Variants in LRMDA observed in about 807,000 individuals in gnomAD.
LRMDA encodes the protein leucine rich melanocyte differentiation associated, also known as leucine-rich melanocyte differentiation-associated protein.
LRMDA carries 18 observed loss-of-function variants against 29.8 expected under a neutral mutation model. The ratio of observed to expected loss-of-function variants is 0.60; its 90% CI spans 0.42 to 0.90. LRMDA has a LOEUF of 0.90. LRMDA is among the 40% of genes least tolerant of loss of function. The pLI is 0.00. For synonymous variants in LRMDA, 125 were observed against 109.4 expected (o/e 1.14, Z -0.89); for missense variants, 273 against 273.9 (o/e 1.00, Z 0.02).
chr10:75,708,349 C>A (rs543191826), intron 2 of LRMDA, among the ~76,000 whole-genome samples: 7 of 152,138 alleles, frequency 4.6e-5, no homozygotes, highest in African/African-American at 1.4e-4. Flanking sequence ...TATTTTGATG[C>A]CTTTTTCATA....
chr10:76,242,887 C>T (rs894546186), intron 5 of LRMDA, among the ~76,000 whole-genome samples: 1 of 152,148 alleles, frequency 6.6e-6, no homozygotes, highest in African/African-American at 2.4e-5. Flanking sequence ...TTACTGTTTT[C>T]CTACTGGTTT....
intron 5 of LRMDA, among the ~76,000 whole-genome samples, chr10:76,164,125 AT>A (rs35217250): frequency 1.3e-5 from 2 of 151,554 alleles, no homozygotes; most frequent in East Asian, 1.9e-4. Context: ...AAAATGTTTG[AT>A]TTTTTTTTCC....
At chr10:76,467,579 A>G (rs1225361851) in intron 6 of LRMDA, among the ~76,000 whole-genome samples, 1 of 152,194 alleles carries the variant, frequency 6.6e-6, no homozygotes, top group Admixed American at 6.5e-5. Context: ...CATTGCTATA[A>G]ATCTATAATG....
chr10:75,768,408 T>A (rs1843196598), intron 2 of LRMDA, among the ~76,000 whole-genome samples: 1 of 152,216 alleles, frequency 6.6e-6, no homozygotes, highest in Admixed American at 6.5e-5. Flanking sequence ...CCCATGTTTA[T>A]GGGTAAGGGA....
At chr10:75,691,655 G>A (rs964063644) in intron 2 of LRMDA, among the ~76,000 whole-genome samples, 2 of 152,116 alleles carry the variant, frequency 1.3e-5, no homozygotes, top group African/African-American at 4.8e-5. Flanking sequence ...TTGGGAAAGA[G>A]GGTCTGCTCT....
chr10:76,206,112 C>T (rs1488199572), intron 5 of LRMDA, among the ~76,000 whole-genome samples: 1 of 152,250 alleles, frequency 6.6e-6, no homozygotes, highest in Non-Finnish European at 1.5e-5. Context: ...TTGATTTTGT[C>T]GATGATGACC....
intron 5 of LRMDA, among the ~76,000 whole-genome samples, chr10:76,131,394 CCA>C (rs1554849601): frequency 6.6e-6 from 1 of 152,070 alleles, no homozygotes; most frequent in Non-Finnish European, 1.5e-5. Context: ...CCTTCATCCC[CCA>C]TCACGTGGGT....
chr10:75,701,752 A>C (rs1842310587), intron 2 of LRMDA, among the ~76,000 whole-genome samples: 1 of 152,174 alleles, frequency 6.6e-6, no homozygotes, highest in Admixed American at 6.5e-5. Flanking sequence ...CTTCTTGTGC[A>C]GTGGTAATGA....
intron 5 of LRMDA, among the ~76,000 whole-genome samples, chr10:76,256,130 TC>T (rs1852589295): frequency 6.6e-6 from 1 of 152,228 alleles, no homozygotes; most frequent in African/African-American, 2.4e-5. Context: ...TGTTGGCTTG[TC>T]TTGGTCCAGA....
chr10:75,521,090 G>C (rs893924228), intron 2 of LRMDA, among the ~76,000 whole-genome samples: 1 of 152,144 alleles, frequency 6.6e-6, no homozygotes, highest in African/African-American at 2.4e-5. Context: ...CGTCCCAGAG[G>C]GGCATCCACC....
At chr10:75,791,399 C>T (rs753950691) in intron 2 of LRMDA, among the ~76,000 whole-genome samples, 9 of 152,066 alleles carry the variant, frequency 5.9e-5, no homozygotes, top group Non-Finnish European at 1.3e-4. Context: ...TGATATACAA[C>T]CAAACAAGGA....
At chr10:75,789,701 T>A (rs1843533340) in intron 2 of LRMDA, among the ~76,000 whole-genome samples, 1 of 152,238 alleles carries the variant, frequency 6.6e-6, no homozygotes, top group Non-Finnish European at 1.5e-5. Context: ...CTCTCCCAAC[T>A]ATATTGAACA....
intron 2 of LRMDA, among the ~76,000 whole-genome samples, chr10:75,981,343 C>T (rs566952436): frequency 6.6e-5 from 10 of 152,142 alleles, no homozygotes; most frequent in African/African-American, 1.2e-4. Context: ...TGCAGGGCAC[C>T]GTGGAGTATT....
intron 5 of LRMDA, among the ~76,000 whole-genome samples, chr10:76,250,631 C>T (rs900354794): frequency 2.6e-5 from 4 of 152,286 alleles, no homozygotes; most frequent in South Asian, 4.2e-4. Flanking sequence ...CTCCATTGGA[C>T]ATTCTTTCTG....
At chr10:76,493,857 CATATT>C (rs1842857121) in intron 6 of LRMDA, among the ~76,000 whole-genome samples, 2 of 152,000 alleles carry the variant, frequency 1.3e-5, no homozygotes, top group African/African-American at 4.8e-5. Context: ...AATCCATGCA[CATATT>C]ATATTTCTCT....
intron 6 of LRMDA, among the ~76,000 whole-genome samples, chr10:76,506,641 C>T (rs941692421): frequency 1.3e-5 from 2 of 152,072 alleles, no homozygotes; most frequent in Non-Finnish European, 2.9e-5. Context: ...CTACTTTTCT[C>T]AACCTCTGTT....
At chr10:76,375,249 A>G (rs190963763) in intron 6 of LRMDA, among the ~76,000 whole-genome samples, 34 of 152,224 alleles carry the variant, frequency 2.2e-4, no homozygotes, top group African/African-American at 7.9e-4. Flanking sequence ...GTTGGATGTT[A>G]TGTGTAGGAT....
In LRMDA at chr10:76,488,130, G is replaced by A. The variant is rs1027894599; in HGVS notation, c.602-69079G>A. Among the ~76,000 whole-genome samples, 9 of 151,636 alleles carry A rather than the reference G, an allele frequency of 5.9e-5. No individual in the cohort carries two copies. In the South Asian group the frequency reaches 6.3e-4, roughly 11 times the overall value. ...TTCACTTATTTTTGGAGATCTTCAT[G>A]GTGCTTCAATAAAAATTTTATAACA... is the stretch of plus-strand genomic sequence containing the variant. On this transcript the variant is annotated intron_variant, in intron 6 of 6. Coordinates refer to ENST00000611255, the MANE Select transcript of LRMDA (RefSeq NM_001305581.2).
intron 2 of LRMDA, among the ~76,000 whole-genome samples, chr10:75,448,349 G>A (rs1039157288): frequency 2.0e-5 from 3 of 152,030 alleles, no homozygotes; most frequent in African/African-American, 7.2e-5. Flanking sequence ...TTGGAATTTG[G>A]GCCGCACTGC....
Sources: allele counts gnomAD v4.1 joint callset (sites outside exome capture counted in the v4.1 genomes callset), GRCh38; gene constraint gnomAD v4.1.1; transcripts MANE v1.5; gene names NCBI Gene and HGNC (gene_info 2026-07-23, HGNC 2026-07-21).